The following HAPSTR1 variants were observed in gnomAD, a reference collection of about 807,000 sequenced individuals.
HAPSTR1 encodes HUWE1 associated protein modifying stress responses.
chr16:9,115,333 C>CAT, the HAPSTR1 span, among the ~76,000 whole-genome samples: 1 of 152,110 alleles, frequency 6.6e-6, no homozygotes, highest in African/African-American at 2.4e-5. Context: ...ACTTGAAAAT[C>CAT]TTATAAGTCC....
At chr16:9,100,741 G>C in the HAPSTR1 span, among the ~76,000 whole-genome samples, 1 of 151,942 alleles carries the variant, frequency 6.6e-6, no homozygotes, top group African/African-American at 2.4e-5. Context: ...TGCCATCTTG[G>C]CCAGGCTGGT....
At chr16:9,097,220 G>C in the HAPSTR1 span, among the ~76,000 whole-genome samples, 2 of 150,734 alleles carry the variant, frequency 1.3e-5, no homozygotes, top group Non-Finnish European at 2.9e-5. Flanking sequence ...GATTACAGGC[G>C]TGAGCCACCG....
At chr16:9,100,755 G>A in the HAPSTR1 span, among the ~76,000 whole-genome samples, 1 of 151,976 alleles carries the variant, frequency 6.6e-6, no homozygotes, top group South Asian at 2.1e-4. Flanking sequence ...GGCTGGTCTC[G>A]AACTCCTGAC....
chr16:9,119,926 C>G, the HAPSTR1 span: 3 of 152,194 alleles, frequency 2.0e-5, no homozygotes, highest in Non-Finnish European at 2.9e-5. Flanking sequence ...CAACATCCAA[C>G]CCAGAGGGCT....
the HAPSTR1 span, chr16:9,118,251 A>G: frequency 6.6e-6 from 1 of 152,620 alleles, no homozygotes; most frequent in Non-Finnish European, 1.5e-5. Context: ...ACAGTGAAAA[A>G]TGTTTCCTTG....
At chr16:9,100,491 C>G in the HAPSTR1 span, among the ~76,000 whole-genome samples, 2 of 151,696 alleles carry the variant, frequency 1.3e-5, no homozygotes, top group Non-Finnish European at 2.9e-5. Context: ...TTTAGCTTCT[C>G]TTTTTTTGCT....
the HAPSTR1 span, among the ~76,000 whole-genome samples, chr16:9,114,883 T>G: frequency 1.4e-3 from 211 of 152,324 alleles, 2 homozygotes; most frequent in Admixed American, 0.014. Context: ...ACATAGTACC[T>G]GACACAGGAA....
chr16:9,092,777 A>C, the HAPSTR1 span: 1 of 883,750 alleles, frequency 1.1e-6, no homozygotes, highest in Non-Finnish European at 1.7e-6. Flanking sequence ...TGGGATCCCG[A>C]AACCCCTGAA....
chr16:9,099,664 G>A, the HAPSTR1 span, among the ~76,000 whole-genome samples: 1 of 152,210 alleles, frequency 6.6e-6, no homozygotes, highest in African/African-American at 2.4e-5. Context: ...CTTCTGTGCT[G>A]TTTTTCTGGG....
chr16:9,116,756 A>G, the HAPSTR1 span: 1 of 1,614,226 alleles, frequency 6.2e-7, no homozygotes, highest in Non-Finnish European at 8.5e-7. Context: ...ATGCTAGTCG[A>G]AGGAGAAATG....
At chr16:9,120,553 G>A in the HAPSTR1 span, 58 of 151,798 alleles carry the variant, frequency 3.8e-4, no homozygotes, top group African/African-American at 6.5e-4. Context: ...GTTTTCGATG[G>A]CCCCTCATTT....
the HAPSTR1 span, among the ~76,000 whole-genome samples, chr16:9,102,272 A>G: frequency 6.7e-6 from 1 of 149,178 alleles, no homozygotes; most frequent in African/African-American, 2.5e-5. Flanking sequence ...CTCAATTAAA[A>G]CTAAATAATA....
At chr16:9,109,220 G>A in the HAPSTR1 span, 8 of 152,114 alleles carry the variant, frequency 5.3e-5, no homozygotes, top group African/African-American at 1.9e-4. Flanking sequence ...GAGATTCAGA[G>A]TTGCCCTGTC....
the HAPSTR1 span, chr16:9,092,303 G>T: frequency 4.1e-6 from 6 of 1,458,840 alleles, no homozygotes; most frequent in East Asian, 1.4e-4. Flanking sequence ...GGTACCGCTT[G>T]GCCGCCCCCG....
the HAPSTR1 span, among the ~76,000 whole-genome samples, chr16:9,115,631 T>C: frequency 1.3e-5 from 2 of 152,274 alleles, no homozygotes; most frequent in African/African-American, 4.8e-5. Context: ...AAGTAACTCT[T>C]TTGTTTTTGA....
chr16:9,092,420 C>A, the HAPSTR1 span: 1 of 677,104 alleles, frequency 1.5e-6, no homozygotes, highest in Non-Finnish European at 2.0e-6. Context: ...GCCGCCCCCT[C>A]CCCGCAAGAT....
At chr16:9,101,111 G>C in the HAPSTR1 span, among the ~76,000 whole-genome samples, 1 of 152,148 alleles carries the variant, frequency 6.6e-6, no homozygotes, top group Admixed American at 6.5e-5. Flanking sequence ...AAGTTTAGTT[G>C]GTCAATGACT....
chr16:9,118,378 C>G, the HAPSTR1 span: 2 of 152,598 alleles, frequency 1.3e-5, no homozygotes, highest in African/African-American at 4.8e-5. Flanking sequence ...TTTGCAATTT[C>G]TTCAGCCATT....
chr16:9,113,966 G>A, the HAPSTR1 span, among the ~76,000 whole-genome samples: 2 of 152,282 alleles, frequency 1.3e-5, no homozygotes, highest in South Asian at 4.1e-4. Context: ...ACATGAGGGG[G>A]TAGGACTTTG....
Sources: gnomAD v4.1 joint callset for allele counts (sites outside exome capture counted in the v4.1 genomes callset) on GRCh38, gnomAD v4.1.1 for gene constraint, MANE v1.5 for transcripts, NCBI Gene and HGNC (gene_info 2026-07-23, HGNC 2026-07-21) for gene names.